The following GNB4 variants were observed in gnomAD, a reference collection of about 807,000 sequenced individuals.
GNB4 encodes the protein G protein subunit beta 4, also known as guanine nucleotide-binding protein subunit beta-4.
In GNB4, 28 loss-of-function variants were observed where a neutral mutation model predicts 45.2. That is an observed-to-expected ratio of 0.62 (90% confidence interval 0.46 to 0.85). GNB4 has a LOEUF of 0.85. GNB4 is among the 40% of genes least tolerant of loss of function. The pLI, the probability that GNB4 is intolerant of heterozygous loss-of-function variation, is 0.00. For synonymous variants in GNB4, 132 were observed against 143.7 expected, an observed-to-expected ratio of 0.92 and a Z score of 0.58; for missense variants, 321 against 425.4, an observed-to-expected ratio of 0.75 and a Z score of 2.16.
the GNB4 span, among the ~76,000 whole-genome samples, chr3:179,526,146 G>T: frequency 6.6e-6 from 1 of 152,200 alleles, no homozygotes; most frequent in African/African-American, 2.4e-5. Flanking sequence ...GTTCTCTGGC[G>T]GGCAGGGGCG....
chr3:179,498,757 T>G, the GNB4 span, among the ~76,000 whole-genome samples: 3 of 145,846 alleles, frequency 2.1e-5, no homozygotes, highest in African/African-American at 5.3e-5. Flanking sequence ...TGGTTTTTTT[T>G]TTTTTTTTTT....
chr3:179,437,020 A>G (rs1715470198), intron 1 of GNB4, among the ~76,000 whole-genome samples: 1 of 152,178 alleles, frequency 6.6e-6, no homozygotes, highest in Admixed American at 6.5e-5. Flanking sequence ...AACTGGGGTT[A>G]CATATGAATA....
the GNB4 span, chr3:179,464,951 A>T: frequency 1.3e-6 from 2 of 1,547,552 alleles, no homozygotes; most frequent in African/African-American, 2.7e-5. Flanking sequence ...TGGAAGGTCA[A>T]AAAGTGTTGA....
At chr3:179,420,674 T>C (rs982932032) in intron 3 of GNB4, among the ~76,000 whole-genome samples, 1 of 152,014 alleles carries the variant, frequency 6.6e-6, no homozygotes, top group South Asian at 2.1e-4. Flanking sequence ...TATATTTTTA[T>C]AGCATTTATT....
chr3:179,442,522 CT>C, intron 1 of GNB4, among the ~76,000 whole-genome samples: 1 of 152,204 alleles, frequency 6.6e-6, no homozygotes, highest in East Asian at 1.9e-4. Flanking sequence ...TACACTTAGC[CT>C]GTCTTTTCTT....
chr3:179,474,394 T>C, the GNB4 span, among the ~76,000 whole-genome samples: 10 of 152,090 alleles, frequency 6.6e-5, no homozygotes, highest in Non-Finnish European at 1.2e-4. Flanking sequence ...TGGCTAATTA[T>C]TGTATTTTTA....
At chr3:179,464,931 T>C in the GNB4 span, 2 of 1,535,712 alleles carry the variant, frequency 1.3e-6, no homozygotes, top group South Asian at 2.2e-5. Flanking sequence ...GGGAAGAATG[T>C]GGTTGTGGCT....
chr3:179,519,670 C>T, the GNB4 span, among the ~76,000 whole-genome samples: 2 of 152,148 alleles, frequency 1.3e-5, no homozygotes, highest in East Asian at 1.9e-4. Context: ...TCCTAGGCTA[C>T]AGCCACACCT....
chr3:179,402,796 T>C (rs1577023881), intron 9 of GNB4, among the ~76,000 whole-genome samples: 1 of 152,176 alleles, frequency 6.6e-6, no homozygotes, highest in African/African-American at 2.4e-5. Flanking sequence ...CAGAGTAAAA[T>C]AAGATTGTGC....
chr3:179,443,238 TA>T (rs1715638016), intron 1 of GNB4, among the ~76,000 whole-genome samples: 1 of 152,170 alleles, frequency 6.6e-6, no homozygotes, highest in South Asian at 2.1e-4. Flanking sequence ...ACAGCTTTAA[TA>T]AAAGTAAAAT....
chr3:179,456,111 T>G (rs1357655752), upstream of GNB4, among the ~76,000 whole-genome samples: 1 of 148,422 alleles, frequency 6.7e-6, no homozygotes, highest in African/African-American at 2.5e-5. Context: ...CATAGACTTT[T>G]TTTTTTTTTT....
Position 179,442,768 on chromosome 3 carries a change from A to T in GNB4, c.-43+8578T>A, listed in dbSNP as rs147424565. 5.0e-3 allele frequency among the ~76,000 whole-genome samples: 766 copies of T among 152,120 alleles called. 3 individuals carry two copies. Among genetic ancestry groups the T allele is most frequent in the Non-Finnish European group, 8.9e-3 (607 of 68,006 alleles). ...CAGCCTACCAAGTTGCTGGAACTAC[A>T]GGTATGCACCACCATGCCAAGCTAA... On this transcript the variant is annotated intron_variant, in intron 1 of 9. Transcript: ENST00000232564.
chr3:179,490,260 A>T, the GNB4 span, among the ~76,000 whole-genome samples: 1 of 152,238 alleles, frequency 6.6e-6, no homozygotes, highest in Non-Finnish European at 1.5e-5. Flanking sequence ...AACTCAAGAC[A>T]GTGCCAAACT....
At chr3:179,409,126 A>T (rs1577026618) in intron 8 of GNB4, among the ~76,000 whole-genome samples, 1 of 21,204 alleles carries the variant, frequency 4.7e-5, no homozygotes, top group Non-Finnish European at 1.2e-4. Context: ...GAAACCCAGT[A>T]AAAAAAAAAA....
intron 9 of GNB4, among the ~76,000 whole-genome samples, chr3:179,402,036 C>T: frequency 6.6e-6 from 1 of 152,290 alleles, no homozygotes; most frequent in East Asian, 1.9e-4. Flanking sequence ...TTCTCTCTCT[C>T]TATTCTTAAG....
the GNB4 span, among the ~76,000 whole-genome samples, chr3:179,488,984 C>T: frequency 1.1e-4 from 2 of 18,688 alleles, no homozygotes; most frequent in Non-Finnish European, 1.8e-4. Flanking sequence ...ATCCTGTATC[C>T]AAAAAAAAAA....
At position 179,396,751 on chromosome 3, in the gene GNB4, T is replaced by C. The variant is rs926696940; in HGVS notation, c.*4462A>G. On this transcript the variant is annotated 3_prime_UTR_variant, in exon 10 of 10. Coordinates refer to ENST00000232564, the MANE Select transcript of GNB4 (RefSeq NM_021629.4). ...GTACCATCAATGTGTGATTAATTAA[T>C]AAGTTACTTTTTAAAATAAAGTGCT... is the stretch of plus-strand genomic sequence containing the variant. The C allele has an allele frequency of 1.3e-5, 2 of 152,274 alleles. No homozygotes were observed. The highest frequency in any genetic ancestry group is 3.9e-4 in the East Asian group (2 of 5,182). 9.4% of individuals were successfully genotyped at this position (152,274 alleles called of 1,614,324 possible). A position where few individuals can be genotyped will look rare whatever the true frequency, so the allele number is the denominator to read the frequency against.
At chr3:179,493,059 C>T in the GNB4 span, among the ~76,000 whole-genome samples, 1 of 152,208 alleles carries the variant, frequency 6.6e-6, no homozygotes, top group Non-Finnish European at 1.5e-5. Context: ...CTCTCACATT[C>T]ACCCACAGTT....
the GNB4 span, among the ~76,000 whole-genome samples, chr3:179,504,909 T>A: frequency 6.6e-6 from 1 of 151,988 alleles, no homozygotes; most frequent in African/African-American, 2.4e-5. Flanking sequence ...AGTTGTGGGG[T>A]CAGCTGGAGG....
Sources: gnomAD v4.1 joint callset for allele counts (sites outside exome capture counted in the v4.1 genomes callset) on GRCh38, gnomAD v4.1.1 for gene constraint, MANE v1.5 for transcripts, NCBI Gene and HGNC (gene_info 2026-07-23, HGNC 2026-07-21) for gene names.